The following DOCK11 variants were observed in gnomAD, a reference collection of about 807,000 sequenced individuals.
DOCK11 encodes dedicator of cytokinesis protein 11.
DOCK11 carries 70 observed loss-of-function variants against 169.1 expected under a neutral mutation model. That is an observed-to-expected ratio of 0.41 (90% CI 0.34 to 0.51). The LOEUF (loss-of-function observed/expected upper bound fraction) is 0.51, where lower values mean the gene tolerates loss of function less well. DOCK11 is among the 20% of genes least tolerant of loss of function. The pLI is 0.10. For missense variants in DOCK11, 1,166 were observed against 1,538.8 expected, an observed-to-expected ratio of 0.76 and a Z score of 4.05; for synonymous variants, 529 against 541.3, an observed-to-expected ratio of 0.98 and a Z score of 0.32.
rs1468912554 is a variant in DOCK11, at chrX:118,561,363, G to T, written c.559-20G>T. On this transcript the variant is annotated intron_variant, in intron 6 of 52. Transcript: ENST00000276202. ...ATGTATATGTAACAAATGTATCATT[G>T]CTGGGTTTTCCCCATGTAGGTATTC... 1 of 1,164,992 alleles carries T rather than the reference G, an allele frequency of 8.6e-7. No homozygotes were observed.
At chrX:118,647,921 A>G (rs1390603851) in intron 40 of DOCK11, among the ~76,000 whole-genome samples, 1 of 51,246 alleles carries the variant, frequency 2.0e-5, no homozygotes, top group African/African-American at 9.1e-5. Flanking sequence ...ATAATATTAT[A>G]TATAATAAAT....
chrX:118,496,967 ACT>A (rs2057542765), intron 1 of DOCK11, among the ~76,000 whole-genome samples: 1 of 111,692 alleles, frequency 9.0e-6, no homozygotes, highest in African/African-American at 3.3e-5. Context: ...AGATTGTCTG[ACT>A]CTGGAGAAAG....
rs73228269 is a variant in DOCK11 at position 118,584,597 on chromosome X, G to A, written c.1596-138G>A. ...GAATTGCAGGATTGTAGAGTGATGG[G>A]TGATTAACTTAATGAGAAACCGCCA... is the stretch of plus-strand genomic sequence containing the variant. On this transcript the variant is annotated intron_variant, in intron 14 of 52. Transcript: ENST00000276202. 7.1e-3 allele frequency: 3,358 copies of A among 471,598 alleles called. 25 individuals are homozygous for A. Among genetic ancestry groups the A allele is most frequent in the Non-Finnish European group, 8.8e-3 (2,613 of 298,614 alleles). The allele number at this position is 471,598 out of a possible 1,213,427, so 38.9% of individuals were successfully genotyped here. A position where few individuals can be genotyped will look rare whatever the true frequency, so the allele number is the denominator to read the frequency against.
At chrX:118,621,226 G>A (rs1351888692) in intron 31 of DOCK11, among the ~76,000 whole-genome samples, 1 of 112,421 alleles carries the variant, frequency 8.9e-6, no homozygotes, top group Non-Finnish European at 1.9e-5. Flanking sequence ...TCCATAAGAA[G>A]TTTGTTTACT....
chrX:118,668,549 C>G (rs1257013663), intron 45 of DOCK11, among the ~76,000 whole-genome samples: 1 of 110,868 alleles, frequency 9.0e-6, no homozygotes, highest in East Asian at 2.8e-4. Flanking sequence ...ATGTTTTATT[C>G]AAGTAGCAAC....
chrX:118,543,934 A>G (rs1443613592), intron 4 of DOCK11, among the ~76,000 whole-genome samples: 1 of 112,183 alleles, frequency 8.9e-6, no homozygotes, highest in Non-Finnish European at 1.9e-5. Flanking sequence ...TGGGCGACAG[A>G]TAGAGACTCC....
intron 1 of DOCK11, among the ~76,000 whole-genome samples, chrX:118,538,527 T>G (rs2011839550): frequency 8.9e-6 from 1 of 112,467 alleles, no homozygotes; most frequent in Admixed American, 9.4e-5. Flanking sequence ...GTTTTCCCCA[T>G]GGTGAAAACT....
chrX:118,659,747 T>C (rs942041260), intron 44 of DOCK11, among the ~76,000 whole-genome samples: 7 of 111,773 alleles, frequency 6.3e-5, no homozygotes, highest in African/African-American at 2.0e-4. Context: ...AGTGGGTGTT[T>C]ATGTCTTTGT....
intron 19 of DOCK11, among the ~76,000 whole-genome samples, chrX:118,590,709 A>G (rs2013967696): frequency 8.9e-6 from 1 of 112,111 alleles, no homozygotes; most frequent in African/African-American, 3.2e-5. Context: ...GGTTTTACAC[A>G]GTAGGGTGCA....
intron 34 of DOCK11, among the ~76,000 whole-genome samples, chrX:118,628,728 A>G (rs1251362414): frequency 9.0e-6 from 1 of 111,392 alleles, no homozygotes; most frequent in Non-Finnish European, 1.9e-5. Flanking sequence ...TATCCTCCCA[A>G]CTCTTCTATC....
At chrX:118,654,529 G>A in intron 42 of DOCK11, 73 bp from the exon 43 acceptor site, 2 of 983,881 alleles carry the variant, frequency 2.0e-6, no homozygotes, top group Non-Finnish European at 2.9e-6. Context: ...TATGTCCTCA[G>A]CATTGGATGA....
At chrX:118,520,771 G>A (rs1387068572) in intron 1 of DOCK11, among the ~76,000 whole-genome samples, 3 of 112,358 alleles carry the variant, frequency 2.7e-5, no homozygotes, top group Non-Finnish European at 5.6e-5. Context: ...CAGATGTGGA[G>A]CAGAAACTTT....
chrX:118,540,051 C>CAA (rs58922946), intron 1 of DOCK11, among the ~76,000 whole-genome samples: 57 of 42,163 alleles, frequency 1.4e-3, no homozygotes, highest in South Asian at 1.9e-3. Flanking sequence ...AACTCCATCT[C>CAA]AAAAAAAAAA....
At chrX:118,542,068 C>T (rs1446777543) in intron 1 of DOCK11, among the ~76,000 whole-genome samples, 1 of 111,869 alleles carries the variant, frequency 8.9e-6, no homozygotes, top group Admixed American at 9.5e-5. Flanking sequence ...GCAGTAAATA[C>T]CAACAGGCAC....
At position 118,543,581 on chromosome X, in the gene DOCK11, G is replaced by A. The variant is rs199926399; in HGVS notation, c.380G>A (p.Arg127Gln). ...TATGAGGACTTCTCTGGGGACTTTC[G>A]AATGTTGCCATGGTAAGTTTAGCAT... ...YKYEDFSGDF[R>Q]MLPCKSLRPE... is the part of the protein sequence containing the mutation. The change falls in exon 4 of 53, where the codon CGA becomes CAA. Residue 127 changes from arginine to glutamine, a missense_variant. Arg to Gln is a conservative substitution (Grantham distance 43). Coordinates refer to ENST00000276202, the MANE Select transcript of DOCK11 (RefSeq NM_144658.4). 14 of 1,203,056 alleles carry A rather than the reference G, an allele frequency of 1.2e-5. No homozygotes were observed. Among genetic ancestry groups the A allele is most frequent in the South Asian group, 1.8e-5 (1 of 56,805 alleles).
At chrX:118,546,894 G>GTGGGAGAATCCCTTGAGCC (rs1556270477) in intron 6 of DOCK11, among the ~76,000 whole-genome samples, 92 of 111,956 alleles carry the variant, frequency 8.2e-4, no homozygotes, top group African/African-American at 2.9e-3. Flanking sequence ...GGAGACTGAG[G>GTGGGAGAATCCCTTGAGCC]TGGGAGAATC....
At chrX:118,571,932 G>T (rs188734447) in intron 10 of DOCK11, among the ~76,000 whole-genome samples, 8 of 111,677 alleles carry the variant, frequency 7.2e-5, no homozygotes, top group African/African-American at 2.6e-4. Flanking sequence ...AAAAGCCCCG[G>T]CATGGGAGTG....
rs1326967628 is a variant in DOCK11 at position 118,543,227 on chromosome X, A to G, written c.309+212A>G. Among the ~76,000 whole-genome samples the G allele has an allele frequency of 2.7e-5, 3 of 112,312 alleles. No homozygotes were observed. The East Asian group carries it at 8.3e-4, about 31-fold the overall frequency. On this transcript the variant is annotated intron_variant, in intron 3 of 52. Coordinates refer to ENST00000276202, the MANE Select transcript of DOCK11 (RefSeq NM_144658.4). Reference sequence around the variant, plus strand: ...ATGCTGTTAACAAGTCTATATGATGATAAAGCTTAAACATTTCCACAAGGT... The same window carrying G: ...ATGCTGTTAACAAGTCTATATGATGGTAAAGCTTAAACATTTCCACAAGGT...
At chrX:118,669,009 A>G (rs2016404448) in intron 45 of DOCK11, among the ~76,000 whole-genome samples, 1 of 111,800 alleles carries the variant, frequency 8.9e-6, no homozygotes, top group African/African-American at 3.3e-5. Context: ...TGCAAGCTTT[A>G]TGTGCCACAT....
Sources: allele counts gnomAD v4.1 joint callset (sites outside exome capture counted in the v4.1 genomes callset), GRCh38; gene constraint gnomAD v4.1.1; transcripts MANE v1.5; gene names NCBI Gene and HGNC (gene_info 2026-07-23, HGNC 2026-07-21).